The following CACHD1 variants were observed in gnomAD, a reference collection of about 807,000 sequenced individuals.
CACHD1 encodes VWFA and cache domain-containing protein 1.
A neutral mutation model predicts 138.7 loss-of-function variants in CACHD1; 71 were observed. The ratio of observed to expected loss-of-function variants is 0.51; its 90% CI spans 0.42 to 0.62. The LOEUF is 0.62. Among genes scored for constraint, CACHD1 ranks in the 20% least tolerant of loss-of-function variants. CACHD1 has a pLI of 0.00. For missense variants in CACHD1, 1,389 were observed against 1,625.3 expected (o/e 0.85, Z 2.50); for synonymous variants, 578 against 591.5 (o/e 0.98, Z 0.33).
chr1:64,650,023 A>C (rs1322984892), intron 9 of CACHD1, among the ~76,000 whole-genome samples: 1 of 152,226 alleles, frequency 6.6e-6, no homozygotes, highest in East Asian at 1.9e-4. Context: ...ACACAGATTA[A>C]AATATCAGTT....
rs147286742 is a variant in CACHD1 at position 64,501,980 on chromosome 1, T to C, written c.198+31038T>C. The stretch of plus-strand genomic sequence containing the variant: ...AGTGTTCTCTTTTTCCCCTTCACTT[T>C]CTTCTCCATAGAAATTCCCCAACAG... On this transcript the variant is annotated intron_variant, in intron 1 of 26. Transcript: ENST00000651257. 3.2e-3 allele frequency among the ~76,000 whole-genome samples: 487 copies of C among 152,366 alleles called. 6 individuals carry two copies. Among genetic ancestry groups the C allele is most frequent in the African/African-American group, 0.011 (471 of 41,580 alleles).
intron 12 of CACHD1, among the ~76,000 whole-genome samples, chr1:64,658,065 A>G (rs1209980914): frequency 6.6e-6 from 1 of 152,238 alleles, no homozygotes; most frequent in Non-Finnish European, 1.5e-5. Flanking sequence ...GACTTAAGCT[A>G]TGGCATACTT....
At position 64,470,186 on chromosome 1, in the gene CACHD1, C is replaced by A. The variant is rs923010748; in HGVS notation, c.-559C>A. Among the ~76,000 whole-genome samples, 3 of 152,058 alleles carry A rather than the reference C, an allele frequency of 2.0e-5. No homozygotes were observed. The highest frequency in any genetic ancestry group is 4.4e-5 in the Non-Finnish European group (3 of 67,998). On this transcript the variant is annotated 5_prime_UTR_variant, in exon 1 of 27. Transcript: ENST00000651257. This position sits in a 1 kb window ranked among gnomAD's most constrained non-coding sequence, Gnocchi z 5.2. ...TGGTGGCACCAGACGCCTCCCTTTC[C>A]CCACCGCTTGCTTTCTTTCTTTCAG...
chr1:64,625,628 GA>G (rs918198853), intron 4 of CACHD1, among the ~76,000 whole-genome samples: 107 of 118,010 alleles, frequency 9.1e-4, no homozygotes, highest in Admixed American at 1.4e-3. Flanking sequence ...CTCAGTCTCA[GA>G]AAAAAAAAAA....
intron 7 of CACHD1, among the ~76,000 whole-genome samples, chr1:64,640,010 T>G (rs1648653041): frequency 6.6e-6 from 1 of 152,260 alleles, no homozygotes. Flanking sequence ...CAGGGGCCTC[T>G]GTTCCTTGCC....
intron 1 of CACHD1, among the ~76,000 whole-genome samples, chr1:64,526,438 T>C (rs1646539516): frequency 6.6e-6 from 1 of 152,080 alleles, no homozygotes; most frequent in Non-Finnish European, 1.5e-5. Context: ...AAATGGGTAA[T>C]AAGAATAACA....
intron 2 of CACHD1, among the ~76,000 whole-genome samples, chr1:64,559,221 G>C (rs994340210): frequency 3.3e-5 from 5 of 152,134 alleles, no homozygotes; most frequent in Non-Finnish European, 7.4e-5. Flanking sequence ...CACTGTTCAC[G>C]ATAGCAAAGA....
intron 1 of CACHD1, among the ~76,000 whole-genome samples, chr1:64,512,152 G>A (rs1646425369): frequency 6.6e-6 from 1 of 152,158 alleles, no homozygotes; most frequent in Non-Finnish European, 1.5e-5. Context: ...CCAGCACTTT[G>A]GAAGGCCAAG....
In CACHD1 at chr1:64,691,625, G is replaced by T; in HGVS notation, c.*64G>T. On this transcript the variant is annotated 3_prime_UTR_variant, in exon 27 of 27. Transcript: ENST00000651257. ...CTACAGAATGTTCTGGAAAGAAAAA[G>T]AACCGGCTTAAAACCCACAGCAAGA... 1.3e-6 allele frequency: 2 copies of T among 1,502,292 alleles called. No homozygotes were observed. Among genetic ancestry groups the T allele is most frequent in the Non-Finnish European group, 9.2e-7 (1 of 1,084,938 alleles). The allele number at this position is 1,502,292 out of a possible 1,614,324, so 93.1% of individuals were successfully genotyped here. A position where few individuals can be genotyped will look rare whatever the true frequency, so the allele number is the denominator to read the frequency against.
chr1:64,675,857 C>T, intron 20 of CACHD1, 40 bp from the exon 21 acceptor site: 1 of 1,287,796 alleles, frequency 7.8e-7, no homozygotes, highest in Non-Finnish European at 1.1e-6. Context: ...TACAGTTTGC[C>T]ATTGACCTTC....
rs532829921 is a variant in CACHD1, at chr1:64,668,937, A to C, written c.2388-2627A>C. ...CCTTGGGTGCCAGCTTGAGAACTTC[A>C]TCCCTCCTAACACATGGTTCTACTC... is the stretch of plus-strand genomic sequence containing the variant. On this transcript the variant is annotated intron_variant, in intron 16 of 26. Coordinates refer to ENST00000651257, the MANE Select transcript of CACHD1 (RefSeq NM_020925.4). Among the ~76,000 whole-genome samples, 326 of 152,218 alleles carry C rather than the reference A, an allele frequency of 2.1e-3. 1 individual carries two copies. Among genetic ancestry groups the C allele is most frequent in the African/African-American group, 7.4e-3 (306 of 41,536 alleles).
intron 1 of CACHD1, among the ~76,000 whole-genome samples, chr1:64,492,643 T>TC (rs1389263632): frequency 6.6e-6 from 1 of 152,004 alleles, no homozygotes; most frequent in Non-Finnish European, 1.5e-5. Context: ...GTGCGGTTAC[T>TC]CCGCTGATCG....
chr1:64,575,987 CGTT>C (rs994912523), intron 2 of CACHD1, among the ~76,000 whole-genome samples: 11 of 152,148 alleles, frequency 7.2e-5, no homozygotes, highest in Non-Finnish European at 1.2e-4. Flanking sequence ...TGTGATGAAA[CGTT>C]GTCACTGGAG....
In CACHD1 at chr1:64,663,737, C is replaced by A. The variant is rs770226675; in HGVS notation, c.1994C>A (p.Pro665His). 1.4e-5 allele frequency: 23 copies of A among 1,613,942 alleles called. No homozygotes were observed. The highest frequency in any genetic ancestry group is 2.2e-5 in the South Asian group (2 of 91,082). The change falls in exon 14 of 27, where the codon CCC becomes CAC. Residue 665 changes from proline to histidine, a missense_variant. Pro to His is a moderately conservative substitution (Grantham distance 77). Transcript: ENST00000651257. The stretch of plus-strand genomic sequence containing the variant: ...CTGTCTGCTGGCAGCTTTTCCTCCC[C>A]CTATGAGCACCTCAGCCAGCCAGAG... ...IMLSAGSFSS[P>H]YEHLSQPETK...
intron 2 of CACHD1, among the ~76,000 whole-genome samples, chr1:64,560,972 A>T (rs1646834263): frequency 6.6e-6 from 1 of 152,114 alleles, no homozygotes; most frequent in African/African-American, 2.4e-5. Flanking sequence ...ATTTTACTCA[A>T]TATTGATATA....
intron 11 of CACHD1, 119 bp from the exon 12 acceptor site, chr1:64,654,567 G>A: frequency 1.4e-6 from 1 of 704,528 alleles, no homozygotes; most frequent in East Asian, 2.5e-5. Context: ...AAACTGATGA[G>A]CTTCTTTGGT....
chr1:64,476,739 C>T (rs1233348615), intron 1 of CACHD1, among the ~76,000 whole-genome samples: 1 of 152,166 alleles, frequency 6.6e-6, no homozygotes, highest in African/African-American at 2.4e-5. Context: ...TCTTTGCTGG[C>T]CTTATTCCTT....
Position 64,476,214 on chromosome 1 carries a change from T to C in CACHD1, c.198+5272T>C, listed in dbSNP as rs149844637. On this transcript the variant is annotated intron_variant, in intron 1 of 26. Coordinates refer to ENST00000651257, the MANE Select transcript of CACHD1 (RefSeq NM_020925.4). ...TGGTGGCACTGGACAAGGTAGCTCG[T>C]GTATCTTGAACACCTGAACAGGACT... Among the ~76,000 whole-genome samples the C allele has an allele frequency of 4.3e-4, 66 of 152,330 alleles. No individual in the cohort carries two copies. The East Asian group carries it at 0.012, about 28-fold the overall frequency.
At chr1:64,522,210 T>A (rs1258385852) in intron 1 of CACHD1, among the ~76,000 whole-genome samples, 1 of 152,218 alleles carries the variant, frequency 6.6e-6, no homozygotes, top group Non-Finnish European at 1.5e-5. Context: ...AGAAGACTCT[T>A]CTTTCCCCAC....
Sources: gnomAD v4.1 joint callset for allele counts (sites outside exome capture counted in the v4.1 genomes callset) on GRCh38, gnomAD v4.1.1 for gene constraint, Gnocchi (gnomAD v3.1) non-coding constraint, MANE v1.5 for transcripts, NCBI Gene and HGNC (gene_info 2026-07-23, HGNC 2026-07-21) for gene names.